Variants in LRBA observed in about 807,000 individuals in gnomAD.
LRBA encodes the protein lipopolysaccharide-responsive and beige-like anchor protein.
In LRBA, 176 loss-of-function variants were observed where a neutral mutation model predicts 330.0. That is an observed-to-expected ratio of 0.53 (90% CI 0.47 to 0.60). LRBA has a LOEUF of 0.60. LRBA is among the 20% of genes least tolerant of loss of function. The pLI, the probability that LRBA is intolerant of heterozygous loss-of-function variation, is 0.00. For missense variants in LRBA, 3,259 were observed against 3,444.8 expected, an observed-to-expected ratio of 0.95 and a Z score of 1.35; for synonymous variants, 1,230 against 1,193.0, an observed-to-expected ratio of 1.03 and a Z score of -0.64.
chr4:150,768,876 T>C (rs976854794), intron 34 of LRBA, among the ~76,000 whole-genome samples: 3 of 151,400 alleles, frequency 2.0e-5, no homozygotes, highest in South Asian at 2.1e-4. Context: ...GGAAAATTTT[T>C]TTAAATTTCA....
intron 47 of LRBA, among the ~76,000 whole-genome samples, chr4:150,408,948 A>G (rs1233770761): frequency 6.6e-6 from 1 of 151,896 alleles, no homozygotes; most frequent in Non-Finnish European, 1.5e-5. Flanking sequence ...TTTTTTCCCC[A>G]TATATCTGCT....
chr4:150,913,142 T>C (rs960080579), intron 9 of LRBA, among the ~76,000 whole-genome samples: 1 of 152,214 alleles, frequency 6.6e-6, no homozygotes, highest in South Asian at 2.1e-4. Context: ...GCATAACACA[T>C]GTCTATCCTG....
At chr4:151,007,856 C>CAAAAAAA (rs57271520) in intron 2 of LRBA, among the ~76,000 whole-genome samples, 1 of 114,414 alleles carries the variant, frequency 8.7e-6, no homozygotes, top group Non-Finnish European at 1.8e-5. Context: ...GACTCCATCT[C>CAAAAAAA]AAAAAAAAAA....
chr4:150,968,367 T>C (rs892390939), intron 2 of LRBA, among the ~76,000 whole-genome samples: 18 of 152,152 alleles, frequency 1.2e-4, no homozygotes, highest in Non-Finnish European at 2.4e-4. Flanking sequence ...ACGTCAAAGG[T>C]TGAAATAGGC....
In LRBA at chr4:150,844,118, T is replaced by C. The variant is rs1311006118; in HGVS notation, c.4551A>G (p.Ala1517=). ...LQDMDINRLR[A]VVFRDIEDSK... ...AACTTACTATGTCTCTGAAAACAAC[T>C]GCCCTAAGCCGATTAATATCCATGT... Residue 1517 remains alanine (A), a synonymous_variant, in exon 28 of 57, where the codon GCA becomes GCG. Transcript: ENST00000651943. 3 of 1,607,584 alleles carry C rather than the reference T, an allele frequency of 1.9e-6. No individual in the cohort carries two copies. The East Asian group carries it at 6.7e-5, about 36-fold the overall frequency.
chr4:150,881,033 A>T (rs1457292487), intron 17 of LRBA, among the ~76,000 whole-genome samples: 3 of 152,208 alleles, frequency 2.0e-5, no homozygotes, highest in Non-Finnish European at 2.9e-5. Flanking sequence ...AAAAGTCAAA[A>T]AACAACTGAT....
At chr4:150,381,259 T>G (rs1035041147) in intron 47 of LRBA, among the ~76,000 whole-genome samples, 6 of 152,172 alleles carry the variant, frequency 3.9e-5, no homozygotes, top group African/African-American at 1.4e-4. Context: ...TCTGTGGTTT[T>G]CAGTATTATC....
At chr4:151,013,256 C>T (rs933660525) in intron 2 of LRBA, 2 of 152,220 alleles carry the variant, frequency 1.3e-5, no homozygotes, top group African/African-American at 4.8e-5. Context: ...CTGTTATCCT[C>T]TAACACAGGT....
At chr4:150,834,839 T>C (rs1216565451) in intron 28 of LRBA, among the ~76,000 whole-genome samples, 3 of 152,218 alleles carry the variant, frequency 2.0e-5, no homozygotes, top group Non-Finnish European at 4.4e-5. Context: ...TTGGCTTTTG[T>C]TGCCATTGCT....
At chr4:150,728,649 G>A (rs779455045) in intron 36 of LRBA, among the ~76,000 whole-genome samples, 2 of 146,828 alleles carry the variant, frequency 1.4e-5, no homozygotes, top group Non-Finnish European at 3.0e-5. Context: ...TACAACATCC[G>A]TTCATGATAA....
intron 34 of LRBA, among the ~76,000 whole-genome samples, chr4:150,784,546 A>T (rs1738751460): frequency 6.6e-6 from 1 of 152,268 alleles, no homozygotes; most frequent in East Asian, 1.9e-4. Context: ...TTTTTGCCCT[A>T]CGTGAATGAC....
chr4:150,822,476 T>A (rs1440652444), intron 30 of LRBA, among the ~76,000 whole-genome samples: 5 of 152,142 alleles, frequency 3.3e-5, no homozygotes, highest in Non-Finnish European at 4.4e-5. Context: ...ATTATAAAAA[T>A]TGAGAATAGA....
At chr4:150,328,187 T>G (rs1031551146) in intron 48 of LRBA, among the ~76,000 whole-genome samples, 3 of 151,950 alleles carry the variant, frequency 2.0e-5, no homozygotes, top group Non-Finnish European at 4.4e-5. Context: ...TGAGCAGAAA[T>G]AGGAATACAG....
chr4:150,666,866 T>C (rs747686611), intron 37 of LRBA, among the ~76,000 whole-genome samples: 4 of 152,232 alleles, frequency 2.6e-5, no homozygotes, highest in Admixed American at 6.5e-5. Context: ...GATGTCATTT[T>C]TTCTGTACCC....
intron 41 of LRBA, among the ~76,000 whole-genome samples, chr4:150,489,296 A>AATATATTATATATAAGAAT (rs1554039196): frequency 3.3e-5 from 2 of 59,798 alleles, no homozygotes; most frequent in African/African-American, 1.4e-4. Context: ...AAGAATATAT[A>AATATATTATATATAAGAAT]ATATATTATA....
In LRBA at chr4:150,694,207, C is replaced by T. The variant is rs78532908; in HGVS notation, c.5755-10490G>A. 4.6e-5 allele frequency among the ~76,000 whole-genome samples: 7 copies of T among 152,084 alleles called. No homozygotes were observed. The East Asian group carries it at 1.4e-3, about 29-fold the overall frequency. ...AACTGTACATCATTCCATGTCAGGA[C>T]CTTCTTTCTTTTACATGGCTACAAA... On this transcript the variant is annotated intron_variant, in intron 36 of 56. Coordinates refer to ENST00000651943, the MANE Select transcript of LRBA (RefSeq NM_001364905.1).
chr4:150,641,489 C>T (rs1488595807), intron 37 of LRBA, among the ~76,000 whole-genome samples: 2 of 152,098 alleles, frequency 1.3e-5, no homozygotes, highest in African/African-American at 4.8e-5. Context: ...TGTAGTCAGT[C>T]TTGACATTCA....
At chr4:150,592,148 T>TTTTTTTTTTTTTTG (rs1772944752) in intron 38 of LRBA, among the ~76,000 whole-genome samples, 1 of 137,968 alleles carries the variant, frequency 7.2e-6, no homozygotes, top group East Asian at 2.1e-4. Flanking sequence ...GCTAGGGTTT[T>TTTTTTTTTTTTTTG]TTTTTTTTTT....
chr4:150,481,263 T>A (rs557730307), intron 42 of LRBA, among the ~76,000 whole-genome samples: 1 of 152,052 alleles, frequency 6.6e-6, no homozygotes, highest in African/African-American at 2.4e-5. Flanking sequence ...ACTGATTCCA[T>A]CTCTTTGCTA....
Sources: gnomAD v4.1 joint callset for allele counts (sites outside exome capture counted in the v4.1 genomes callset) on GRCh38, gnomAD v4.1.1 for gene constraint, MANE v1.5 for transcripts, NCBI Gene and HGNC (gene_info 2026-07-23, HGNC 2026-07-21) for gene names.